The following XPNPEP1 variants were observed in gnomAD, a reference collection of about 807,000 sequenced individuals.
The protein encoded by XPNPEP1 is xaa-Pro aminopeptidase 1.
A neutral mutation model predicts 92.4 loss-of-function variants in XPNPEP1; 39 were observed. The ratio of observed to expected loss-of-function variants is 0.42; its 90% confidence interval spans 0.33 to 0.55. The LOEUF is 0.55. XPNPEP1 is among the 20% of genes least tolerant of loss of function. The pLI is 0.08. For synonymous variants in XPNPEP1, 307 were observed against 299.4 expected (o/e 1.03, Z -0.26); for missense variants, 654 against 856.1 (o/e 0.76, Z 2.95).
At chr10:109,893,739 G>C (rs1349387262) in intron 3 of XPNPEP1, among the ~76,000 whole-genome samples, 1 of 152,170 alleles carries the variant, frequency 6.6e-6, no homozygotes, top group African/African-American at 2.4e-5. Flanking sequence ...CTTACGCGTG[G>C]GCAAAGGGTA....
intron 5 of XPNPEP1, among the ~76,000 whole-genome samples, chr10:109,889,258 G>A (rs995692648): frequency 2.0e-5 from 3 of 152,184 alleles, no homozygotes; most frequent in South Asian, 2.1e-4. Flanking sequence ...GCTAGAGTGC[G>A]GTGGCACCAT....
intron 20 of XPNPEP1, among the ~76,000 whole-genome samples, 185 bp downstream of exon 20, chr10:109,868,429 G>C (rs1236360550): frequency 6.6e-6 from 1 of 151,880 alleles, no homozygotes; most frequent in Non-Finnish European, 1.5e-5. Flanking sequence ...ACAAATACAG[G>C]AAAAGCTCAG....
chr10:109,865,622 T>C (rs1249330029), intron 20 of XPNPEP1, among the ~76,000 whole-genome samples: 3 of 152,196 alleles, frequency 2.0e-5, no homozygotes, highest in African/African-American at 7.2e-5. Flanking sequence ...TGAGCCATCC[T>C]GGGAGGTGGT....
intron 5 of XPNPEP1, 129 bp downstream of exon 5, chr10:109,891,593 A>G: frequency 1.4e-6 from 1 of 715,130 alleles, no homozygotes; most frequent in Non-Finnish European, 2.2e-6. Context: ...TTTTTTTCTC[A>G]GTTTTCCTTG....
rs574947588 is a variant in XPNPEP1 at position 109,915,334 on chromosome 10, C to T, written c.33-235G>A. Among the ~76,000 whole-genome samples, 7 of 152,318 alleles carry T rather than the reference C, an allele frequency of 4.6e-5. No homozygotes were observed. In the South Asian group the frequency reaches 6.2e-4, roughly 14 times the overall value. On this transcript the variant is annotated intron_variant, in intron 1 of 20. Coordinates refer to ENST00000502935, the MANE Select transcript of XPNPEP1 (RefSeq NM_020383.4). ...AGCTTCTAGTTCATAAATTCTCACA[C>T]CTCCTATTTAACTAGACTAAGAAGA...
chr10:109,869,724 G>T (rs1273054323), intron 19 of XPNPEP1: 2 of 453,412 alleles, frequency 4.4e-6, no homozygotes, highest in Non-Finnish European at 8.0e-6. Flanking sequence ...GCTTTGCAGG[G>T]AAGGAGTGTG....
At chr10:109,889,881 A>G (rs1043064837) in intron 5 of XPNPEP1, among the ~76,000 whole-genome samples, 1 of 152,252 alleles carries the variant, frequency 6.6e-6, no homozygotes, top group African/African-American at 2.4e-5. Context: ...AAAACTGCCT[A>G]GAAGCTGACA....
chr10:109,888,423 C>G, intron 6 of XPNPEP1, 80 bp downstream of exon 6: 3 of 1,419,042 alleles, frequency 2.1e-6, no homozygotes, highest in East Asian at 4.8e-5. Context: ...TGCTCCACAC[C>G]CCACAAGCAA....
At chr10:109,898,323 C>A (rs1849092888) in intron 3 of XPNPEP1, among the ~76,000 whole-genome samples, 1 of 152,234 alleles carries the variant, frequency 6.6e-6, no homozygotes, top group African/African-American at 2.4e-5. Context: ...CTATGAACTG[C>A]ACCGAGCTTG....
intron 1 of XPNPEP1, chr10:109,923,152 C>T: frequency 1.0e-6 from 1 of 984,688 alleles, no homozygotes; most frequent in Non-Finnish European, 1.2e-6. Flanking sequence ...CGCGGGCATA[C>T]GCGTCCAGGA....
chr10:109,921,455 G>C (rs1490371354), intron 1 of XPNPEP1, among the ~76,000 whole-genome samples: 1 of 152,216 alleles, frequency 6.6e-6, no homozygotes, highest in Non-Finnish European at 1.5e-5. Context: ...GGTAGCACTA[G>C]AAAAGGCCTT....
At chr10:109,901,846 G>A (rs1037062952) in intron 3 of XPNPEP1, among the ~76,000 whole-genome samples, 8 of 152,062 alleles carry the variant, frequency 5.3e-5, no homozygotes, top group Non-Finnish European at 7.4e-5. Context: ...TTCAAATTGC[G>A]AAGTTTTGTA....
chr10:109,866,018 C>T (rs1007042658), intron 20 of XPNPEP1, among the ~76,000 whole-genome samples: 3 of 152,158 alleles, frequency 2.0e-5, no homozygotes, highest in African/African-American at 7.2e-5. Flanking sequence ...AACTCTCCTC[C>T]TTGGTTGTAT....
At chr10:109,903,267 T>C (rs1159341865) in intron 3 of XPNPEP1, among the ~76,000 whole-genome samples, 1 of 152,216 alleles carries the variant, frequency 6.6e-6, no homozygotes, top group Non-Finnish European at 1.5e-5. Context: ...AGGTCGAATC[T>C]TTCTGTACAC....
intron 3 of XPNPEP1, among the ~76,000 whole-genome samples, chr10:109,895,694 T>C (rs999643966): frequency 1.3e-5 from 2 of 152,170 alleles, no homozygotes; most frequent in East Asian, 3.8e-4. Context: ...GGGCCTAAAA[T>C]AAACCAAAGC....
At position 109,886,339 on chromosome 10, in the gene XPNPEP1, T is replaced by C. The variant is rs757182008; in HGVS notation, c.655A>G (p.Ile219Val). 3 of 1,614,030 alleles carry C rather than the reference T, an allele frequency of 1.9e-6. No individual in the cohort carries two copies. The Admixed American group carries it at 5.0e-5, about 27-fold the overall frequency. The change falls in exon 8 of 21, where the codon ATC (isoleucine) becomes GTC (valine). Residue 219 changes from isoleucine (I) to valine (V), a missense_variant and splice_region_variant. Coordinates refer to ENST00000502935, the MANE Select transcript of XPNPEP1 (RefSeq NM_020383.4). ...LLTLGLDYTG[I>V]SWKDKVADLR... The stretch of plus-strand genomic sequence containing the variant: ...TCTGCAACCTTGTCCTTCCAGGAGA[T>C]GCCTGCAAGAAACAAATGTGCTTTA...
At chr10:109,880,153 T>C (rs776990153) in intron 12 of XPNPEP1, 35 bp downstream of exon 12, 7 of 1,605,686 alleles carry the variant, frequency 4.4e-6, no homozygotes, top group Non-Finnish European at 5.1e-6. Context: ...CTGAATAATG[T>C]ATATCCACAT....
At chr10:109,921,922 G>A (rs1402577741) in intron 1 of XPNPEP1, among the ~76,000 whole-genome samples, 1 of 152,186 alleles carries the variant, frequency 6.6e-6, no homozygotes, top group East Asian at 1.9e-4. Context: ...CTCTGCTGGG[G>A]CTGTCAGCCT....
chr10:109,884,363 A>G (rs1174269193), intron 8 of XPNPEP1: 3 of 536,728 alleles, frequency 5.6e-6, no homozygotes, highest in Non-Finnish European at 9.9e-6. Flanking sequence ...GCTGTTTCTC[A>G]GGCTTCCACA....
Sources: gnomAD v4.1 joint callset for allele counts (sites outside exome capture counted in the v4.1 genomes callset) on GRCh38, gnomAD v4.1.1 for gene constraint, MANE v1.5 for transcripts, NCBI Gene and HGNC (gene_info 2026-07-23, HGNC 2026-07-21) for gene names.